RABEP1: variants seen among roughly 807,000 people sequenced by gnomAD.
RABEP1 encodes rab GTPase-binding effector protein 1.
Under a neutral mutation model 123.4 loss-of-function variants are expected in RABEP1, and 51 were observed. The ratio of observed to expected loss-of-function variants is 0.41; its 90% confidence interval spans 0.33 to 0.52. The LOEUF (loss-of-function observed/expected upper bound fraction) is 0.52. Among genes scored for constraint, RABEP1 ranks in the 20% least tolerant of loss-of-function variants. The probability of loss-of-function intolerance (pLI) is 0.16; values close to 1 mark genes in which losing one functional copy is unlikely to be tolerated. For synonymous variants in RABEP1, 347 were observed against 355.2 expected (o/e 0.98, Z 0.26); for missense variants, 888 against 996.3 (o/e 0.89, Z 1.46).
intron 13 of RABEP1, 31 bp downstream of exon 13, chr17:5,373,485 C>G (rs777669325): frequency 1.3e-6 from 2 of 1,571,140 alleles, no homozygotes; most frequent in East Asian, 2.3e-5. Flanking sequence ...TCAAAAATGT[C>G]AACAAGTACG....
At chr17:5,367,180 T>C (rs1910072691) in intron 11 of RABEP1, among the ~76,000 whole-genome samples, 4 of 152,130 alleles carry the variant, frequency 2.6e-5, no homozygotes, top group African/African-American at 2.4e-5. Flanking sequence ...TATGGAGTTA[T>C]GAAGATATCC....
intron 3 of RABEP1, among the ~76,000 whole-genome samples, chr17:5,334,571 G>A (rs1408887092): frequency 6.6e-6 from 1 of 152,110 alleles, no homozygotes; most frequent in Non-Finnish European, 1.5e-5. Flanking sequence ...TTGCCATGTC[G>A]GCCAGGCTTG....
chr17:5,286,236 C>G lies in RABEP1; in HGVS notation c.34+3716C>G, dbSNP rs149367126. On this transcript the variant is annotated intron_variant, in intron 1 of 17. Coordinates refer to ENST00000537505, the MANE Select transcript of RABEP1 (RefSeq NM_004703.6). ...TTTGGCCGGGCATGGTGGCTCATGC[C>G]TGTAATCCCAGCACTTTGGGAGGCC... Among the ~76,000 whole-genome samples, 61 of 152,336 alleles carry G rather than the reference C, an allele frequency of 4.0e-4. 1 individual carries two copies. Among genetic ancestry groups the G allele is most frequent in the African/African-American group, 1.4e-3 (60 of 41,582 alleles).
chr17:5,375,188 G>A (rs562674292), intron 13 of RABEP1, among the ~76,000 whole-genome samples: 9 of 148,312 alleles, frequency 6.1e-5, no homozygotes, highest in African/African-American at 2.2e-4. Context: ...TCTATAATTT[G>A]GACCTCATTC....
At chr17:5,381,250 A>G (rs3026110) in intron 16 of RABEP1, 139 bp from the exon 17 acceptor site, 8 of 443,654 alleles carry the variant, frequency 1.8e-5, no homozygotes, top group East Asian at 1.0e-3. Context: ...CCTATAGATA[A>G]AGAGATTGGT....
rs960455394 is a variant in RABEP1, at chr17:5,383,415, A to G, written c.*192A>G. 5.3e-6 allele frequency: 3 copies of G among 565,800 alleles called. No homozygotes were observed. The African/African-American group carries it at 5.6e-5, about 11-fold the overall frequency. 35.0% of individuals were successfully genotyped at this position (565,800 alleles called of 1,614,324 possible). On this transcript the variant is annotated 3_prime_UTR_variant, in exon 18 of 18. Coordinates refer to ENST00000537505, the MANE Select transcript of RABEP1 (RefSeq NM_004703.6). ...CAAACAGTGGGGTGATCTGCAGCCC[A>G]GAGACCTTCAAATGCGAACACTATA...
chr17:5,286,809 G>C (rs1447441059), intron 1 of RABEP1, among the ~76,000 whole-genome samples: 2 of 152,272 alleles, frequency 1.3e-5, no homozygotes, highest in Middle Eastern at 6.8e-3. Flanking sequence ...GTAAGCAAAT[G>C]ATACGGGTTG....
At chr17:5,320,255 T>A (rs571853670) in intron 2 of RABEP1, among the ~76,000 whole-genome samples, 1 of 151,678 alleles carries the variant, frequency 6.6e-6, no homozygotes, top group South Asian at 2.1e-4. Context: ...AAAAAAAAAT[T>A]TAACATCTAA....
chr17:5,368,897 A>G (rs1313496588), intron 12 of RABEP1, among the ~76,000 whole-genome samples: 1 of 152,158 alleles, frequency 6.6e-6, no homozygotes, highest in Non-Finnish European at 1.5e-5. Context: ...TCACGAGGTC[A>G]GGAGATTGAG....
rs377671603 is a variant in RABEP1 at position 5,350,479 on chromosome 17, A to C, written c.813A>C (p.Gln271His). ...GCCATCTCTTGGAGCAAGAGCGACAACAACACAACCAGTTAAAACATACGT... is the reference window on the plus strand; with the variant it reads ...GCCATCTCTTGGAGCAAGAGCGACACCAACACAACCAGTTAAAACATACGT... ...EVCHLLEQER[Q>H]QHNQLKHTWQ... is the part of the protein sequence containing the mutation. The change falls in exon 7 of 18, where the codon CAA (glutamine) becomes CAC (histidine). Residue 271 changes from glutamine (Q) to histidine (H), a missense_variant. By Grantham distance (24) the Gln-to-His change is conservative. Transcript: ENST00000537505. 6.8e-6 allele frequency: 11 copies of C among 1,613,652 alleles called. No individual in the cohort carries two copies. Among genetic ancestry groups the C allele is most frequent in the Non-Finnish European group, 8.5e-6 (10 of 1,179,908 alleles).
chr17:5,322,904 G>A (rs1276923630), intron 2 of RABEP1, among the ~76,000 whole-genome samples: 12 of 152,156 alleles, frequency 7.9e-5, no homozygotes, highest in Admixed American at 3.9e-4. Flanking sequence ...GTGAAACTCC[G>A]TCTTTACAAA....
chr17:5,315,784 G>A (rs897158979), intron 2 of RABEP1, among the ~76,000 whole-genome samples: 6 of 152,124 alleles, frequency 3.9e-5, no homozygotes, highest in Admixed American at 2.6e-4. Flanking sequence ...CCTAGGAGGC[G>A]GAGGTTGCAG....
At chr17:5,367,245 T>C (rs376398726) in intron 11 of RABEP1, among the ~76,000 whole-genome samples, 5 of 147,754 alleles carry the variant, frequency 3.4e-5, no homozygotes, top group Admixed American at 2.0e-4. Context: ...AGAACTTAGA[T>C]ACACACACAC....
Position 5,383,492 on chromosome 17 carries a change from A to G in RABEP1, c.*269A>G. On this transcript the variant is annotated 3_prime_UTR_variant, in exon 18 of 18. Coordinates refer to ENST00000537505, the MANE Select transcript of RABEP1 (RefSeq NM_004703.6). ...TGGGATCAGATTTGGTGATGGAAAA[A>G]GCGCTGTTTCCTTGCCTGCTTTCTC... 2.5e-6 allele frequency: 1 copy of G among 406,060 alleles called. No individual in the cohort carries two copies. Among genetic ancestry groups the G allele is most frequent in the Non-Finnish European group, 4.5e-6 (1 of 221,884 alleles). The allele number at this position is 406,060 out of a possible 1,614,324, so 25.2% of individuals were successfully genotyped here.
chr17:5,309,198 AG>A (rs1234323553), intron 2 of RABEP1, among the ~76,000 whole-genome samples: 1 of 152,210 alleles, frequency 6.6e-6, no homozygotes, highest in African/African-American at 2.4e-5. Context: ...ACAAATATTC[AG>A]TTATTTATCA....
intron 6 of RABEP1, among the ~76,000 whole-genome samples, chr17:5,349,525 C>T (rs1199874359): frequency 2.6e-5 from 4 of 152,164 alleles, no homozygotes; most frequent in African/African-American, 4.8e-5. Context: ...ACAACACATA[C>T]ATTTTACAAA....
intron 10 of RABEP1, 90 bp from the exon 11 acceptor site, chr17:5,365,032 A>ATT: frequency 2.6e-6 from 2 of 770,042 alleles, no homozygotes; most frequent in South Asian, 1.8e-5. Context: ...GACATAAGAG[A>ATT]TTTTTTTTTA....
At chr17:5,336,370 G>C (rs893039763) in intron 4 of RABEP1, 2 of 420,684 alleles carry the variant, frequency 4.8e-6, no homozygotes, top group African/African-American at 4.2e-5. Context: ...TTTTACATTA[G>C]CATGGTACAT....
intron 9 of RABEP1, among the ~76,000 whole-genome samples, chr17:5,362,277 A>T (rs1909618289): frequency 6.6e-6 from 1 of 152,246 alleles, no homozygotes; most frequent in Non-Finnish European, 1.5e-5. Flanking sequence ...AAGCTTTATC[A>T]TTATAATGAG....
Sources: gnomAD v4.1 joint callset for allele counts (sites outside exome capture counted in the v4.1 genomes callset) on GRCh38, gnomAD v4.1.1 for gene constraint, MANE v1.5 for transcripts, NCBI Gene and HGNC (gene_info 2026-07-23, HGNC 2026-07-21) for gene names.